Variants in CFAP141 observed in about 807,000 individuals in gnomAD.
The protein encoded by CFAP141 is cilia and flagella associated protein 141, also known as cilia- and flagella-associated protein 141.
chr1:154,205,672 A>G, the CFAP141 span: 24 of 1,600,296 alleles, frequency 1.5e-5, no homozygotes, highest in South Asian at 2.3e-4. Context: ...GATCTGCCTC[A>G]GTCTCCAGAA....
chr1:154,206,167 T>C, the CFAP141 span: 3 of 1,022,368 alleles, frequency 2.9e-6, no homozygotes, highest in Non-Finnish European at 3.1e-6. Flanking sequence ...AACTACATTA[T>C]ACCCTTGTTA....
At chr1:154,205,842 T>C in the CFAP141 span, among the ~76,000 whole-genome samples, 2 of 152,216 alleles carry the variant, frequency 1.3e-5, no homozygotes, top group East Asian at 1.9e-4. Flanking sequence ...TAGCTGAGAT[T>C]ATAGGAATGC....
At chr1:154,204,559 A>G in the CFAP141 span, among the ~76,000 whole-genome samples, 208 of 140,938 alleles carry the variant, frequency 1.5e-3, 2 homozygotes, top group African/African-American at 5.4e-3. Flanking sequence ...GGGATTACAG[A>G]CATGAGCCAA....
At chr1:154,199,574 C>A in the CFAP141 span, 1 of 1,192,434 alleles carries the variant, frequency 8.4e-7, no homozygotes. Context: ...CTCTGTTTAC[C>A]ACCCTTTCTT....
chr1:154,199,228 T>G, the CFAP141 span: 1 of 425,794 alleles, frequency 2.3e-6, no homozygotes. Flanking sequence ...GTTGTTACTG[T>G]TGTTTCATAG....
At chr1:154,200,326 TG>T in the CFAP141 span, 1 of 879,142 alleles carries the variant, frequency 1.1e-6, no homozygotes, top group Non-Finnish European at 1.8e-6. Flanking sequence ...TGTGTTGCTC[TG>T]GTGTAATGCT....
the CFAP141 span, chr1:154,205,510 T>C: frequency 8.4e-7 from 1 of 1,196,550 alleles, no homozygotes; most frequent in Non-Finnish European, 1.3e-6. Flanking sequence ...CCTAAAGAGA[T>C]GCAGCAGAGT....
At chr1:154,204,720 C>T in the CFAP141 span, among the ~76,000 whole-genome samples, 3 of 148,708 alleles carry the variant, frequency 2.0e-5, no homozygotes, top group East Asian at 6.0e-4. Flanking sequence ...CACCACCACA[C>T]CTAGCTAATT....
chr1:154,205,494 T>C, the CFAP141 span: 3 of 1,052,482 alleles, frequency 2.9e-6, no homozygotes, highest in Admixed American at 5.2e-5. Flanking sequence ...TTCCTCTTGA[T>C]GAGCCCCTAA....
the CFAP141 span, among the ~76,000 whole-genome samples, chr1:154,201,912 A>G: frequency 2.0e-5 from 3 of 150,948 alleles, no homozygotes; most frequent in African/African-American, 4.9e-5. Context: ...CTGGGATTAC[A>G]GGCGCCCACC....
At chr1:154,200,646 A>C in the CFAP141 span, 1 of 1,568,120 alleles carries the variant, frequency 6.4e-7, no homozygotes, top group Non-Finnish European at 8.7e-7. Context: ...GAGTAGAGAC[A>C]AAAAACCCAT....
At chr1:154,204,983 G>A in the CFAP141 span, among the ~76,000 whole-genome samples, 3 of 151,044 alleles carry the variant, frequency 2.0e-5, no homozygotes, top group African/African-American at 7.3e-5. Context: ...CTAAGTTCAA[G>A]CAATTCTCCT....
At chr1:154,203,112 CTCTG>C in the CFAP141 span, among the ~76,000 whole-genome samples, 3 of 134,666 alleles carry the variant, frequency 2.2e-5, no homozygotes, top group Admixed American at 8.0e-5. Context: ...TGGAGTAAGA[CTCTG>C]TCTTAGAGAG....
At chr1:154,204,091 CAATAAATAAATAAATA>C in the CFAP141 span, among the ~76,000 whole-genome samples, 3 of 151,482 alleles carry the variant, frequency 2.0e-5, no homozygotes, top group African/African-American at 7.3e-5. Context: ...AACTCCATCT[CAATAAATAAATAAATA>C]AATAAATAAA....
At chr1:154,204,235 G>C in the CFAP141 span, among the ~76,000 whole-genome samples, 1 of 151,870 alleles carries the variant, frequency 6.6e-6, no homozygotes, top group African/African-American at 2.4e-5. Context: ...TTTAAATTTT[G>C]ATAGATTTTA....
the CFAP141 span, among the ~76,000 whole-genome samples, chr1:154,200,935 C>T: frequency 2.0e-5 from 3 of 152,138 alleles, no homozygotes; most frequent in South Asian, 2.1e-4. Flanking sequence ...CCACCTGCCT[C>T]GGCTTCCCAG....
At chr1:154,203,029 G>A in the CFAP141 span, among the ~76,000 whole-genome samples, 1 of 146,668 alleles carries the variant, frequency 6.8e-6, no homozygotes, top group South Asian at 2.2e-4. Flanking sequence ...GCTGGGGCAC[G>A]AGAATCACTT....
At chr1:154,205,650 G>T in the CFAP141 span, 5 of 1,613,496 alleles carry the variant, frequency 3.1e-6, no homozygotes, top group Admixed American at 8.3e-5. Flanking sequence ...TGCAAGAAAA[G>T]GTAGTTCTGT....
the CFAP141 span, among the ~76,000 whole-genome samples, chr1:154,204,072 C>T: frequency 5.2e-3 from 788 of 152,004 alleles, 8 homozygotes; most frequent in Non-Finnish European, 5.5e-3. Context: ...GCATGGGCAA[C>T]AAGAGCGAAA....
Sources: allele counts gnomAD v4.1 joint callset (sites outside exome capture counted in the v4.1 genomes callset), GRCh38; gene constraint gnomAD v4.1.1; transcripts MANE v1.5; gene names NCBI Gene and HGNC (gene_info 2026-07-23, HGNC 2026-07-21).